The following NMRK1 variants were observed in gnomAD, a reference collection of about 807,000 sequenced individuals.
NMRK1 encodes NRK 1.
Under a neutral mutation model 29.9 loss-of-function variants are expected in NMRK1, and 28 were observed. That is an observed-to-expected ratio of 0.94 (90% CI 0.69 to 1.28). The LOEUF (loss-of-function observed/expected upper bound fraction) is 1.28. Among genes scored for constraint, NMRK1 ranks in the 50% most tolerant of loss-of-function variants. The pLI, the probability that NMRK1 is intolerant of heterozygous loss-of-function variation, is 0.00. For synonymous variants in NMRK1, 58 were observed against 73.0 expected (o/e 0.79, Z 1.05); for missense variants, 218 against 233.1 (o/e 0.94, Z 0.42).
Position 75,069,144 on chromosome 9 carries a change from C to T in NMRK1, c.390-42G>A, listed in dbSNP as rs754738515. 6.7e-6 allele frequency: 9 copies of T among 1,340,278 alleles called. No homozygotes were observed. In the Admixed American group the frequency reaches 8.8e-5, roughly 13 times the overall value. The allele number at this position is 1,340,278 out of a possible 1,614,324, so 83.0% of individuals were successfully genotyped here. A position where few individuals can be genotyped will look rare whatever the true frequency, so the allele number is the denominator to read the frequency against. ...GAAACTTTATGTTGACAGAAACACA[C>T]AATTGATAAAGTAAAATATGAATGG... On this transcript the variant is annotated intron_variant, in intron 6 of 8. Coordinates refer to ENST00000361092, the MANE Select transcript of NMRK1 (RefSeq NM_017881.3).
At chr9:75,063,292 C>A (rs1355333622) in intron 8 of NMRK1, among the ~76,000 whole-genome samples, 2 of 97,222 alleles carry the variant, frequency 2.1e-5, no homozygotes, top group Non-Finnish European at 3.9e-5. Flanking sequence ...GGCGACAGAG[C>A]GAGACTCCAT....
At chr9:75,074,443 A>C (rs1823877729) in intron 4 of NMRK1, among the ~76,000 whole-genome samples, 1 of 151,826 alleles carries the variant, frequency 6.6e-6, no homozygotes, top group Non-Finnish European at 1.5e-5. Flanking sequence ...GCTGGAGTGC[A>C]GTGGCATATC....
At chr9:75,077,913 G>A (rs1824097768) in intron 2 of NMRK1, among the ~76,000 whole-genome samples, 2 of 152,156 alleles carry the variant, frequency 1.3e-5, no homozygotes. Context: ...TTGGACGTGA[G>A]CCACCAGGCC....
chr9:75,081,596 A>C (rs1428435432), intron 2 of NMRK1, among the ~76,000 whole-genome samples: 1 of 152,206 alleles, frequency 6.6e-6, no homozygotes, highest in Non-Finnish European at 1.5e-5. Context: ...TCTTATTTAC[A>C]GAGATGCCAG....
In NMRK1 at chr9:75,081,942, C is replaced by T. The variant is rs373762294; in HGVS notation, c.29+1145G>A. Among the ~76,000 whole-genome samples, 6 of 152,298 alleles carry T rather than the reference C, an allele frequency of 3.9e-5. No homozygotes were observed. In the East Asian group the frequency reaches 1.2e-3, roughly 29 times the overall value. ...CTAAGATGAACCCAAATGAAAGACA[C>T]ATAAAAGAGAGAAAAACTGCCTTTG... On this transcript the variant is annotated intron_variant, in intron 2 of 8. Coordinates refer to ENST00000361092, the MANE Select transcript of NMRK1 (RefSeq NM_017881.3).
intron 1 of NMRK1, among the ~76,000 whole-genome samples, chr9:75,085,726 GTT>G (rs58741153): frequency 0.013 from 1,148 of 85,084 alleles, 15 homozygotes; most frequent in African/African-American, 0.029. Flanking sequence ...TCAAATGTAA[GTT>G]TTTTTTTTTT....
chr9:75,084,721 TG>T (rs1362865103), intron 1 of NMRK1, among the ~76,000 whole-genome samples: 1 of 152,048 alleles, frequency 6.6e-6, no homozygotes, highest in Non-Finnish European at 1.5e-5. Flanking sequence ...GCCTACAAGG[TG>T]GGGGTAGCAG....
chr9:75,069,760 T>C lies in NMRK1; in HGVS notation c.371A>G (p.Glu124Gly), dbSNP rs1823587248. ...RSYFLTIPYE[E>G]CKRRRSTRVY... ...AACTTACCTCCTCCTCCTTTTACAT[T>C]CTTCATATGGAATAGTCAGGAAATA... The change falls in exon 6 of 9, where the codon GAA becomes GGA. Residue 124 changes from glutamate (E) to glycine (G), a missense_variant. Transcript: ENST00000361092. 1 of 1,611,396 alleles carries C rather than the reference T, an allele frequency of 6.2e-7. No homozygotes were observed. Among genetic ancestry groups the C allele is most frequent in the African/African-American group, 1.3e-5 (1 of 74,770 alleles).
intron 8 of NMRK1, among the ~76,000 whole-genome samples, chr9:75,062,494 T>C (rs1419586097): frequency 1.3e-5 from 2 of 151,110 alleles, no homozygotes; most frequent in African/African-American, 4.9e-5. Flanking sequence ...CAGCCTTGAT[T>C]TTTTTTTTAA....
intron 8 of NMRK1, among the ~76,000 whole-genome samples, chr9:75,062,964 G>A (rs567181366): frequency 9.2e-5 from 14 of 152,284 alleles, no homozygotes; most frequent in Non-Finnish European, 1.9e-4. Context: ...CCAGAAGGTG[G>A]AGGTTGCAGT....
rs1255631429 is a variant in NMRK1, at chr9:75,078,442, C to T, written c.30-862G>A. ...AGGCCAGTTATTTGTCTCTTCTGACCGGACTGTGAAGTCCAGGAGAAGGGG... is the reference window on the plus strand; with the variant it reads ...AGGCCAGTTATTTGTCTCTTCTGACTGGACTGTGAAGTCCAGGAGAAGGGG... On this transcript the variant is annotated intron_variant, in intron 2 of 8. Coordinates refer to ENST00000361092, the MANE Select transcript of NMRK1 (RefSeq NM_017881.3). 32 of 1,530,332 alleles carry T rather than the reference C, an allele frequency of 2.1e-5. 1 individual carries two copies. The highest frequency in any genetic ancestry group is 2.3e-5 in the Non-Finnish European group (26 of 1,133,706). 94.8% of individuals were successfully genotyped at this position (1,530,332 alleles called of 1,614,324 possible).
At chr9:75,065,092 T>C (rs1823260823) in intron 8 of NMRK1, among the ~76,000 whole-genome samples, 1 of 152,254 alleles carries the variant, frequency 6.6e-6, no homozygotes, top group African/African-American at 2.4e-5. Flanking sequence ...CTTGACTTCC[T>C]GGGCTAAAGC....
At chr9:75,083,932 T>C (rs1824468439) in intron 1 of NMRK1, among the ~76,000 whole-genome samples, 1 of 152,228 alleles carries the variant, frequency 6.6e-6, no homozygotes, top group Admixed American at 6.5e-5. Context: ...AAATTCCCTT[T>C]TATTGGGCTA....
At chr9:75,087,274 T>C (rs1824714815) in intron 1 of NMRK1, among the ~76,000 whole-genome samples, 1 of 152,160 alleles carries the variant, frequency 6.6e-6, no homozygotes, top group Non-Finnish European at 1.5e-5. Flanking sequence ...GTTTTTTCTT[T>C]CCCCAAATAT....
rs1823006217 is a variant in NMRK1 at position 75,061,295 on chromosome 9, T to C, written c.*253A>G. 1 of 422,132 alleles carries C rather than the reference T, an allele frequency of 2.4e-6. No homozygotes were observed. The highest frequency in any genetic ancestry group is 6.4e-5 in the South Asian group (1 of 15,528). 26.1% of individuals were successfully genotyped at this position (422,132 alleles called of 1,614,324 possible). On this transcript the variant is annotated 3_prime_UTR_variant, in exon 9 of 9. Transcript: ENST00000361092. The stretch of plus-strand genomic sequence containing the variant: ...GAGCTATGTTCAGAAAGTGGAGACT[T>C]TCTGACTCACTGTGAGCTCTGCTGT...
chr9:75,063,010 G>A (rs954760584), intron 8 of NMRK1, among the ~76,000 whole-genome samples: 3 of 152,126 alleles, frequency 2.0e-5, no homozygotes, highest in South Asian at 2.1e-4. Flanking sequence ...CATCCTGGGC[G>A]ACAGAACAAC....
At chr9:75,078,655 G>T in intron 2 of NMRK1, 1 of 783,630 alleles carries the variant, frequency 1.3e-6, no homozygotes, top group Non-Finnish European at 1.7e-6. Context: ...ATTGAATTCT[G>T]ACAGAAATTT....
intron 8 of NMRK1, among the ~76,000 whole-genome samples, chr9:75,063,625 T>C (rs1350590927): frequency 1.3e-5 from 2 of 152,200 alleles, no homozygotes; most frequent in Non-Finnish European, 2.9e-5. Flanking sequence ...CCCTTCATTA[T>C]TATTACCTTA....
At chr9:75,066,993 A>G (rs1823391941) in intron 7 of NMRK1, 153 bp from the exon 8 acceptor site, 2 of 525,580 alleles carry the variant, frequency 3.8e-6, no homozygotes, top group Admixed American at 7.3e-5. Flanking sequence ...GATTAAAGAA[A>G]GAAATAGATG....
Sources: allele counts gnomAD v4.1 joint callset (sites outside exome capture counted in the v4.1 genomes callset), GRCh38; gene constraint gnomAD v4.1.1; transcripts MANE v1.5; gene names NCBI Gene and HGNC (gene_info 2026-07-23, HGNC 2026-07-21).